PRPF4: variants seen among roughly 807,000 people sequenced by gnomAD.
PRPF4 encodes U4/U6 small nuclear ribonucleoprotein Prp4.
PRPF4 carries 14 observed loss-of-function variants against 72.2 expected under a neutral mutation model. That is an observed-to-expected ratio of 0.19 (90% CI 0.13 to 0.30). The LOEUF is 0.30. PRPF4 is among the 10% of genes least tolerant of loss of function. The pLI is 1.00. For missense variants in PRPF4, 478 were observed against 653.9 expected, an observed-to-expected ratio of 0.73 and a Z score of 2.93; for synonymous variants, 225 against 232.2, an observed-to-expected ratio of 0.97 and a Z score of 0.28.
chr9:113,290,052 T>C (rs1832563260), intron 10 of PRPF4, among the ~76,000 whole-genome samples: 1 of 151,998 alleles, frequency 6.6e-6, no homozygotes, highest in Non-Finnish European at 1.5e-5. Flanking sequence ...AAGCCCCATC[T>C]CTATGAAAAA....
chr9:113,285,620 T>C (rs571987921), intron 7 of PRPF4, among the ~76,000 whole-genome samples: 34 of 151,612 alleles, frequency 2.2e-4, no homozygotes, highest in Admixed American at 5.9e-4. Flanking sequence ...CCTTGTGATC[T>C]GCCCGCCTTG....
intron 3 of PRPF4, among the ~76,000 whole-genome samples, chr9:113,282,356 C>T (rs1032496152): frequency 2.0e-5 from 3 of 152,080 alleles, no homozygotes; most frequent in Non-Finnish European, 4.4e-5. Context: ...CATGTAGTCC[C>T]AGCCACTCGG....
rs113213009 is a variant in PRPF4 at position 113,275,681 on chromosome 9, C to T, written c.-63C>T. On this transcript the variant is annotated 5_prime_UTR_variant, in exon 1 of 14. Transcript: ENST00000374198. The stretch of plus-strand genomic sequence containing the variant: ...ACGCACTTCCCCTCTGCTGGGCGCG[C>T]GGTGGACGGTCTGAAAGGGAGTGTT... 4.2e-4 allele frequency: 659 copies of T among 1,566,406 alleles called. 3 individuals are homozygous for T. The African/African-American group carries it at 7.4e-3, about 18-fold the overall frequency.
intron 4 of PRPF4, 23 bp downstream of exon 4, chr9:113,282,756 C>T (rs1832320052): frequency 1.3e-6 from 2 of 1,521,698 alleles, no homozygotes; most frequent in South Asian, 2.3e-5. Flanking sequence ...TTTAACTTCA[C>T]AGTATAAACA....
chr9:113,284,701 G>C (rs1333756069), intron 7 of PRPF4, among the ~76,000 whole-genome samples: 1 of 152,094 alleles, frequency 6.6e-6, no homozygotes, highest in Non-Finnish European at 1.5e-5. Flanking sequence ...ACTCAGTCTG[G>C]CTTTTCTTTT....
Position 113,282,645 on chromosome 9 carries a change from G to A in PRPF4, c.393-1G>A. 1 of 1,573,964 alleles carries A rather than the reference G, an allele frequency of 6.4e-7. No homozygotes were observed. The highest frequency in any genetic ancestry group is 8.6e-7 in the Non-Finnish European group (1 of 1,158,210). The stretch of plus-strand genomic sequence containing the variant: ...CTGATCTTTTTTTTTTTTTTTAACA[G>A]GTTAAGAAATATCCTCTCAGTTGTC... On this transcript the variant is annotated splice_acceptor_variant, in intron 3 of 13. Transcript: ENST00000374198. LOFTEE classifies it high-confidence loss of function.
chr9:113,285,343 A>ATTTTTTTTTTTTTTTTT (rs71367713), intron 7 of PRPF4, among the ~76,000 whole-genome samples: 2 of 67,508 alleles, frequency 3.0e-5, no homozygotes, highest in Non-Finnish European at 5.9e-5. Flanking sequence ...GTCTCTACAA[A>ATTTTTTTTTTTTTTTTT]TTTTTTTTTT....
At chr9:113,284,259 AAT>A (rs1832368824) in intron 6 of PRPF4, 34 bp from the exon 7 acceptor site, 1 of 1,460,336 alleles carries the variant, frequency 6.8e-7, no homozygotes, top group Non-Finnish European at 9.6e-7. Flanking sequence ...TTAACCTATT[AAT>A]GATCACCGTG....
chr9:113,280,238 C>G (rs1481382520), intron 3 of PRPF4, among the ~76,000 whole-genome samples: 1 of 152,102 alleles, frequency 6.6e-6, no homozygotes, highest in Non-Finnish European at 1.5e-5. Context: ...TTTTCCTCTT[C>G]TCTCACTAGC....
At chr9:113,285,268 C>T (rs1832401253) in intron 7 of PRPF4, among the ~76,000 whole-genome samples, 1 of 149,660 alleles carries the variant, frequency 6.7e-6, no homozygotes, top group Admixed American at 6.8e-5. Flanking sequence ...TTTGGAAGGC[C>T]ACGGCAGGAG....
Position 113,283,214 on chromosome 9 carries a change from A to G in PRPF4, c.560+3A>G, listed in dbSNP as rs767494057. 7 of 1,614,224 alleles carry G rather than the reference A, an allele frequency of 4.3e-6. No individual in the cohort carries two copies. Among genetic ancestry groups the G allele is most frequent in the Non-Finnish European group, 5.9e-6 (7 of 1,180,040 alleles). On this transcript the variant is annotated splice_donor_region_variant and intron_variant, in intron 5 of 13. Transcript: ENST00000374198. ...ATTGCTAATTATTCGTTGCCCAGGT[A>G]AAGAGAGCCTCCAGTAGAAGAAAGA...
rs1248514355 is a variant in PRPF4, at chr9:113,291,424, A to G, written c.1373-43A>G. The G allele has an allele frequency of 6.5e-6, 10 of 1,539,646 alleles. No individual in the cohort carries two copies. The Admixed American group carries it at 9.5e-5, about 15-fold the overall frequency. On this transcript the variant is annotated intron_variant, in intron 13 of 13. Coordinates refer to ENST00000374198, the MANE Select transcript of PRPF4 (RefSeq NM_001244926.2). ...TTTGTGCTTTTGTCTTCTCTTTTGA[A>G]TACTTGAATTCCTCAAGCAATTCCC...
intron 1 of PRPF4, among the ~76,000 whole-genome samples, chr9:113,276,316 GA>G (rs1276703442): frequency 1.3e-5 from 2 of 152,172 alleles, no homozygotes; most frequent in African/African-American, 4.8e-5. Flanking sequence ...AAATACCCGA[GA>G]GAACCTCACT....
intron 6 of PRPF4, 22 bp from the exon 7 acceptor site, chr9:113,284,273 G>A (rs1185938391): frequency 5.3e-6 from 8 of 1,519,606 alleles, no homozygotes; most frequent in Non-Finnish European, 5.5e-6. Context: ...ATCACCGTGT[G>A]TGTATTTTTT....
chr9:113,291,130 C>A, intron 13 of PRPF4, 114 bp downstream of exon 13: 1 of 1,107,352 alleles, frequency 9.0e-7, no homozygotes, highest in Non-Finnish European at 1.4e-6. Flanking sequence ...GAGAAATTGA[C>A]CTACTGGTAA....
intron 3 of PRPF4, among the ~76,000 whole-genome samples, 168 bp from the exon 4 acceptor site, chr9:113,282,478 A>G (rs1832310817): frequency 4.4e-5 from 1 of 22,892 alleles, no homozygotes; most frequent in Non-Finnish European, 1.2e-4. Flanking sequence ...TCTTAAAAAG[A>G]AAAAAAAAAG....
At chr9:113,283,050 G>A in intron 4 of PRPF4, 82 bp from the exon 5 acceptor site, 1 of 1,594,086 alleles carries the variant, frequency 6.3e-7, no homozygotes, top group Admixed American at 1.8e-5. Flanking sequence ...TTCCTTCTGG[G>A]CAGTTAAAAT....
chr9:113,286,585 T>A, intron 8 of PRPF4, 120 bp from the exon 9 acceptor site: 1 of 1,280,796 alleles, frequency 7.8e-7, no homozygotes, highest in Non-Finnish European at 1.1e-6. Context: ...TTAAAATAGT[T>A]CATGTTTTAA....
chr9:113,276,444 G>A, intron 1 of PRPF4, 104 bp from the exon 2 acceptor site: 1 of 1,279,620 alleles, frequency 7.8e-7, no homozygotes, highest in South Asian at 1.2e-5. Context: ...TTCAATTACA[G>A]AGGAAACAGG....
Sources: allele counts gnomAD v4.1 joint callset (sites outside exome capture counted in the v4.1 genomes callset), GRCh38; gene constraint gnomAD v4.1.1; transcripts MANE v1.5; gene names NCBI Gene and HGNC (gene_info 2026-07-23, HGNC 2026-07-21).